GLYR1: variants seen among roughly 807,000 people sequenced by gnomAD.
The protein encoded by GLYR1 is cytokine-like nuclear factor N-PAC.
In GLYR1, 21 loss-of-function variants were observed where a neutral mutation model predicts 72.7. The observed-to-expected ratio is 0.29, with a 90% CI of 0.20 to 0.42. The LOEUF is 0.42. GLYR1 is among the 10% of genes least tolerant of loss of function. The pLI is 1.00. For synonymous variants in GLYR1, 392 were observed against 270.2 expected (o/e 1.45, Z -4.42); for missense variants, 594 against 712.1 (o/e 0.83, Z 1.89).
In GLYR1 at chr16:4,828,243, G is replaced by A. The variant is rs985990039; in HGVS notation, c.537+3736C>T. Among the ~76,000 whole-genome samples the A allele has an allele frequency of 7.3e-5, 11 of 151,654 alleles. 1 individual carries two copies. The highest frequency in any genetic ancestry group is 6.6e-5 in the Admixed American group (1 of 15,256). ...CACCACCATGCCCGGCTAATTTTTC[G>A]TATTTTTAGTAGAGACGGGGTTTCA... On this transcript the variant is annotated intron_variant, in intron 5 of 15. Transcript: ENST00000321919.
intron 3 of GLYR1, among the ~76,000 whole-genome samples, chr16:4,842,693 T>C (rs993000566): frequency 6.6e-6 from 1 of 151,300 alleles, no homozygotes; most frequent in Non-Finnish European, 1.5e-5. Context: ...TCATTCATTC[T>C]GCACATAATC....
chr16:4,821,674 T>G, intron 7 of GLYR1, 77 bp from the exon 8 acceptor site: 1 of 1,374,538 alleles, frequency 7.3e-7, no homozygotes, highest in Non-Finnish European at 1.0e-6. Flanking sequence ...CCTCAAAGGT[T>G]AGACCCAAAG....
intron 10 of GLYR1, 104 bp from the exon 11 acceptor site, chr16:4,814,751 C>G (rs1161287174): frequency 6.5e-6 from 6 of 923,310 alleles, no homozygotes; most frequent in Non-Finnish European, 1.0e-5. Context: ...CCTACCAAGG[C>G]AGGAGGCTGA....
Position 4,821,395 on chromosome 16 carries a change from G to A in GLYR1, c.791C>T (p.Thr264Ile), listed in dbSNP as rs1025851823. The A allele has an allele frequency of 6.2e-7, 1 of 1,613,224 alleles. No homozygotes were observed. Among genetic ancestry groups the A allele is most frequent in the South Asian group, 1.1e-5 (1 of 91,036 alleles). The change falls in exon 9 of 16, where the codon ACA (threonine) becomes ATA (isoleucine). Residue 264 changes from threonine to isoleucine, a missense_variant. Physicochemically the swap from Thr to Ile is moderately conservative, Grantham distance 89 (BLOSUM62 -1). Transcript: ENST00000321919. The part of the protein sequence containing the change: ...ADSTAVNGSI[T>I]PTDKKIGFLG... ...AAGGTCCTACTTTTTGTCTGTGGGT[G>A]TGATGCTGCCATTCACGGCTGTGCT...
rs542471110 is a variant in GLYR1, at chr16:4,805,083, T to C, written c.*153A>G. ...ACCGGCCTCAGGGGAAGGGTGCTGC[T>C]GTGTGCTGTGCTGATGGCAAGTCTC... On this transcript the variant is annotated 3_prime_UTR_variant, in exon 16 of 16. Coordinates refer to ENST00000321919, the MANE Select transcript of GLYR1 (RefSeq NM_032569.4). 1.0e-5 allele frequency: 7 copies of C among 679,330 alleles called. No individual in the cohort carries two copies. Among genetic ancestry groups the C allele is most frequent in the South Asian group, 8.2e-5 (5 of 61,030 alleles). 42.1% of individuals were successfully genotyped at this position (679,330 alleles called of 1,614,324 possible). A position where few individuals can be genotyped will look rare whatever the true frequency, so the allele number is the denominator to read the frequency against.
In GLYR1 at chr16:4,837,740, T is replaced by A. The variant is rs367774222; in HGVS notation, c.156-4828A>T. ...CGAGGTCAAGAGATTGAGACCACCC[T>A]GGCCAACACGGTGAAACCCTGTCTC... On this transcript the variant is annotated intron_variant, in intron 3 of 15. Coordinates refer to ENST00000321919, the MANE Select transcript of GLYR1 (RefSeq NM_032569.4). Among the ~76,000 whole-genome samples, 34 of 152,098 alleles carry A rather than the reference T, an allele frequency of 2.2e-4. No homozygotes were observed. The East Asian group carries it at 4.9e-3, about 22-fold the overall frequency.
At chr16:4,806,668 A>C (rs945313732) in intron 15 of GLYR1, among the ~76,000 whole-genome samples, 2 of 151,960 alleles carry the variant, frequency 1.3e-5, no homozygotes, top group Non-Finnish European at 2.9e-5. Flanking sequence ...CAAGGATCAC[A>C]AGTATAAGCC....
intron 15 of GLYR1, among the ~76,000 whole-genome samples, chr16:4,809,342 A>G (rs1219901359): frequency 6.6e-6 from 1 of 151,492 alleles, no homozygotes; most frequent in Non-Finnish European, 1.5e-5. Flanking sequence ...GGTGCCTGCC[A>G]CCATGCCCAG....
intron 11 of GLYR1, among the ~76,000 whole-genome samples, chr16:4,814,108 G>A (rs1281993187): frequency 6.7e-6 from 1 of 150,160 alleles, no homozygotes; most frequent in Non-Finnish European, 1.5e-5. Context: ...ATAAACCTCA[G>A]CATTTACTTT....
At chr16:4,829,124 C>T (rs1481081090) in intron 5 of GLYR1, among the ~76,000 whole-genome samples, 1 of 152,004 alleles carries the variant, frequency 6.6e-6, no homozygotes, top group African/African-American at 2.4e-5. Flanking sequence ...TATGCAGGGA[C>T]AGCACTGCCA....
chr16:4,822,765 G>A (rs2084120887), intron 7 of GLYR1, 110 bp downstream of exon 7: 5 of 880,238 alleles, frequency 5.7e-6, no homozygotes, highest in Admixed American at 3.7e-5. Context: ...GTTGCTCTGG[G>A]CAATACACCG....
chr16:4,815,072 A>G (rs1239783457), intron 10 of GLYR1, among the ~76,000 whole-genome samples: 4 of 151,454 alleles, frequency 2.6e-5, no homozygotes, highest in Non-Finnish European at 4.4e-5. Context: ...TGTCAGGTTA[A>G]TAAGACTTCT....
Position 4,811,720 on chromosome 16 carries a change from C to T in GLYR1, c.1365G>A (p.Leu455=), listed in dbSNP as rs2083331335. 6.2e-7 allele frequency: 1 copy of T among 1,614,108 alleles called. No homozygotes were observed. The highest frequency in any genetic ancestry group is 1.3e-5 in the African/African-American group (1 of 74,954). ...ACTGGCCTGTCACCTGGGCCAGGGT[C>T]AGCCCCTCGGCAATAGTGGCCATGA... ...GSFMATIAEG[L]TLAQVTGQSQ... The change falls in exon 14 of 16, where the codon CTG becomes CTA. Residue 455 remains leucine, a synonymous_variant. Coordinates refer to ENST00000321919, the MANE Select transcript of GLYR1 (RefSeq NM_032569.4).
chr16:4,837,643 A>C (rs1384574203), intron 3 of GLYR1, among the ~76,000 whole-genome samples: 1 of 151,942 alleles, frequency 6.6e-6, no homozygotes, highest in Non-Finnish European at 1.5e-5. Context: ...ACACACACAC[A>C]AGCATAGAGT....
chr16:4,841,426 G>A (rs1022292657), intron 3 of GLYR1, among the ~76,000 whole-genome samples: 3 of 118,782 alleles, frequency 2.5e-5, no homozygotes, highest in Non-Finnish European at 4.8e-5. Flanking sequence ...TTTGCGACCA[G>A]CCTGGGAAAC....
At position 4,813,857 on chromosome 16, in the gene GLYR1, G is replaced by A. The variant is rs2083466543; in HGVS notation, c.1018-19C>T. On this transcript the variant is annotated intron_variant, in intron 11 of 15. Transcript: ENST00000321919. ...GCACCAGCTGTGGGGACACAAGGGAGAAGCAATAGCCCAGGCTCCCGGGCA... is the reference window on the plus strand; with the variant it reads ...GCACCAGCTGTGGGGACACAAGGGAAAAGCAATAGCCCAGGCTCCCGGGCA... 7 of 1,594,360 alleles carry A rather than the reference G, an allele frequency of 4.4e-6. No individual in the cohort carries two copies. The Middle Eastern group carries it at 5.0e-4, about 113-fold the overall frequency.
intron 15 of GLYR1, among the ~76,000 whole-genome samples, chr16:4,808,778 C>A (rs74509849): frequency 3.3e-5 from 5 of 151,292 alleles, no homozygotes; most frequent in Non-Finnish European, 4.4e-5. Context: ...GCTAAGAAAG[C>A]GGAACTTCTA....
At chr16:4,829,763 C>G (rs1164168834) in intron 5 of GLYR1, among the ~76,000 whole-genome samples, 1 of 152,130 alleles carries the variant, frequency 6.6e-6, no homozygotes, top group Non-Finnish European at 1.5e-5. Flanking sequence ...ACCTCTGCCT[C>G]CTGGGTTCAC....
intron 3 of GLYR1, among the ~76,000 whole-genome samples, chr16:4,837,091 G>T (rs2085186616): frequency 6.6e-6 from 1 of 152,162 alleles, no homozygotes; most frequent in African/African-American, 2.4e-5. Context: ...ATTAAAATCT[G>T]GTATTTTCAA....
Sources: allele counts gnomAD v4.1 joint callset (sites outside exome capture counted in the v4.1 genomes callset), GRCh38; gene constraint gnomAD v4.1.1; transcripts MANE v1.5; gene names NCBI Gene and HGNC (gene_info 2026-07-23, HGNC 2026-07-21).